Variants in MFHAS1 observed in about 807,000 individuals in gnomAD.
The protein encoded by MFHAS1 is malignant fibrous histiocytoma-amplified sequence 1.
MFHAS1 carries 50 observed loss-of-function variants against 70.4 expected under a neutral mutation model. That is an observed-to-expected ratio of 0.71 (90% CI 0.57 to 0.90). MFHAS1 has a LOEUF of 0.90. Among genes scored for constraint, MFHAS1 ranks in the 40% least tolerant of loss-of-function variants. MFHAS1 has a pLI of 0.00. For synonymous variants in MFHAS1, 952 were observed against 620.0 expected (o/e 1.54, Z -7.96); for missense variants, 1,795 against 1,347.6 (o/e 1.33, Z -5.20).
intron 1 of MFHAS1, among the ~76,000 whole-genome samples, chr8:8,834,117 C>T (rs1323485067): frequency 8.8e-6 from 1 of 114,274 alleles, no homozygotes; most frequent in Non-Finnish European, 1.9e-5. Context: ...CCGAGTGAGA[C>T]TCTGTCAAAA....
Position 8,892,758 on chromosome 8 carries a change from G to C in MFHAS1, c.301C>G (p.Arg101Gly). Residue 101 changes from arginine (R) to glycine (G), a missense_variant, in exon 1 of 3, where the codon CGG becomes GGG. Coordinates refer to ENST00000276282, the MANE Select transcript of MFHAS1 (RefSeq NM_004225.3). This position sits in a 1 kb window ranked among gnomAD's most constrained non-coding sequence, Gnocchi z 4.7. Reference protein sequence around the residue: ...VLVLRRNRFARLPPAVAELGH... With the variant: ...VLVLRRNRFAGLPPAVAELGH... The stretch of plus-strand genomic sequence containing the variant: ...AGCTCGGCCACCGCCGGGGGCAGCC[G>C]GGCGAAGCGGTTCCTGCGCAGGACC... 6.3e-7 allele frequency: 1 copy of C among 1,576,710 alleles called. No homozygotes were observed. The highest frequency in any genetic ancestry group is 8.6e-7 in the Non-Finnish European group (1 of 1,163,510).
intron 1 of MFHAS1, among the ~76,000 whole-genome samples, chr8:8,884,041 AACACACACACACAC>A (rs10660555): frequency 1.3e-4 from 17 of 134,178 alleles, no homozygotes; most frequent in Middle Eastern, 7.1e-3. Context: ...CTATTTCACA[AACACACACACACAC>A]ACACACACAC....
intron 1 of MFHAS1, among the ~76,000 whole-genome samples, chr8:8,879,854 T>C (rs1171355659): frequency 6.6e-6 from 1 of 152,208 alleles, no homozygotes; most frequent in African/African-American, 2.4e-5. Flanking sequence ...ACTTATCTAA[T>C]CTGGTAATCA....
In MFHAS1 at chr8:8,892,379, C is replaced by A; in HGVS notation, c.680G>T (p.Arg227Leu). 3 of 1,612,740 alleles carry A rather than the reference C, an allele frequency of 1.9e-6. No individual in the cohort carries two copies. The highest frequency in any genetic ancestry group is 1.7e-6 in the Non-Finnish European group (2 of 1,179,958). The change falls in exon 1 of 3, where the codon CGT becomes CTT. Residue 227 changes from arginine (R) to leucine (L), a missense_variant. Coordinates refer to ENST00000276282, the MANE Select transcript of MFHAS1 (RefSeq NM_004225.3). The surrounding 1 kb of genome is among the most constrained non-coding windows in gnomAD (Gnocchi z 4.7). ...RGLPEDISAL[R>L]ALKILWLSGA... ...ACTCAGCCAGAGGATCTTGAGGGCA[C>A]GCAGGGCACTGATATCCTCAGGCAG...
chr8:8,829,860 G>A (rs755517651), intron 1 of MFHAS1, among the ~76,000 whole-genome samples: 58 of 152,218 alleles, frequency 3.8e-4, no homozygotes, highest in Non-Finnish European at 7.6e-4. Flanking sequence ...AAATGGAACA[G>A]ATTGCCTCAC....
Position 8,890,721 on chromosome 8 carries a change from G to A in MFHAS1, c.2338C>T (p.Leu780Phe). 1 of 1,613,754 alleles carries A rather than the reference G, an allele frequency of 6.2e-7. No homozygotes were observed. Reference sequence around the variant, plus strand: ...TACTGATGGAGCTGGGTGGCCCGGAGCAGTTCCTGGCTGGGGGTGGACCGC... The same window carrying A: ...TACTGATGGAGCTGGGTGGCCCGGAACAGTTCCTGGCTGGGGGTGGACCGC... ...MARSTPSQEL[L>F]RATQLHQYVE... is the part of the protein sequence containing the mutation. The change falls in exon 1 of 3, where the codon CTC becomes TTC. Residue 780 changes from leucine to phenylalanine, a missense_variant. Physicochemically the swap from Leu to Phe is conservative, Grantham distance 22. Coordinates refer to ENST00000276282, the MANE Select transcript of MFHAS1 (RefSeq NM_004225.3).
At chr8:8,806,123 C>T (rs1394458443) in intron 1 of MFHAS1, among the ~76,000 whole-genome samples, 1 of 152,188 alleles carries the variant, frequency 6.6e-6, no homozygotes, top group Non-Finnish European at 1.5e-5. Context: ...CTCCTGCTTT[C>T]TCTGTTTCTA....
rs994278400 is a variant in MFHAS1 at position 8,893,076 on chromosome 8, A to T, written c.-18T>A. ...CCAGCCATGGCGGGGCCCCGGGCCGACAGCCTCACGCGGACGCGGGAGCCC... is the reference window on the plus strand; with the variant it reads ...CCAGCCATGGCGGGGCCCCGGGCCGTCAGCCTCACGCGGACGCGGGAGCCC... On this transcript the variant is annotated 5_prime_UTR_variant, in exon 1 of 3. Coordinates refer to ENST00000276282, the MANE Select transcript of MFHAS1 (RefSeq NM_004225.3). The T allele has an allele frequency of 2.0e-6, 3 of 1,464,090 alleles. No homozygotes were observed. The African/African-American group carries it at 4.5e-5, about 22-fold the overall frequency. 90.7% of individuals were successfully genotyped at this position (1,464,090 alleles called of 1,614,324 possible).
intron 1 of MFHAS1, among the ~76,000 whole-genome samples, chr8:8,862,974 T>A (rs1206196546): frequency 6.6e-6 from 1 of 152,240 alleles, no homozygotes; most frequent in Non-Finnish European, 1.5e-5. Flanking sequence ...GACTGTATAT[T>A]TTTAGCACTT....
intron 1 of MFHAS1, among the ~76,000 whole-genome samples, chr8:8,853,274 C>T (rs1470521944): frequency 5.3e-5 from 8 of 152,004 alleles, no homozygotes; most frequent in African/African-American, 1.9e-4. Context: ...AAGCTACTCC[C>T]TCTAGTTCAA....
chr8:8,892,064 C>G lies in MFHAS1; in HGVS notation c.995G>C (p.Arg332Pro), dbSNP rs1217496999. Residue 332 changes from arginine to proline, a missense_variant, in exon 1 of 3, where the codon CGC becomes CCC. Physicochemically the swap from Arg to Pro is moderately radical, Grantham distance 103 (BLOSUM62 -2). Transcript: ENST00000276282. The surrounding 1 kb of genome is among the most constrained non-coding windows in gnomAD (Gnocchi z 4.7). The part of the protein sequence containing the change: ...LTLWLDNNRI[R>P]YLPDSIVELT... ...CTCCACGATGGAGTCCGGCAGGTAG[C>G]GGATGCGGTTATTATCCAGCCACAA... The G allele has an allele frequency of 1.2e-6, 2 of 1,613,302 alleles. No homozygotes were observed. Among genetic ancestry groups the G allele is most frequent in the South Asian group, 1.1e-5 (1 of 91,084 alleles).
chr8:8,821,763 T>G (rs534973874), intron 1 of MFHAS1: 2 of 152,374 alleles, frequency 1.3e-5, no homozygotes, highest in African/African-American at 4.8e-5. Flanking sequence ...AAACCTAGTC[T>G]AGGTGCCTAA....
At chr8:8,802,756 A>G (rs1484096952) in intron 1 of MFHAS1, among the ~76,000 whole-genome samples, 1 of 152,096 alleles carries the variant, frequency 6.6e-6, no homozygotes, top group Non-Finnish European at 1.5e-5. Flanking sequence ...ATTCCCTGGG[A>G]AGCTATCTTG....
chr8:8,829,492 C>T (rs559763451), intron 1 of MFHAS1, among the ~76,000 whole-genome samples: 16 of 152,286 alleles, frequency 1.1e-4, no homozygotes, highest in African/African-American at 3.9e-4. Context: ...ACCAGCCTGG[C>T]CAACATGGTG....
At chr8:8,854,876 G>GT (rs1016445842) in intron 1 of MFHAS1, among the ~76,000 whole-genome samples, 13 of 151,934 alleles carry the variant, frequency 8.6e-5, no homozygotes, top group Admixed American at 3.9e-4. Flanking sequence ...TGGCTATCCT[G>GT]TTTTTTTGGT....
rs745829989 is a variant in MFHAS1, at chr8:8,891,371, T to C, written c.1688A>G (p.Lys563Arg). 1 of 1,611,692 alleles carries C rather than the reference T, an allele frequency of 6.2e-7. No homozygotes were observed. Among genetic ancestry groups the C allele is most frequent in the Admixed American group, 1.7e-5 (1 of 60,020 alleles). Residue 563 changes from lysine (K) to arginine (R), a missense_variant, in exon 1 of 3, where the codon AAG becomes AGG. Coordinates refer to ENST00000276282, the MANE Select transcript of MFHAS1 (RefSeq NM_004225.3). The surrounding 1 kb of genome is among the most constrained non-coding windows in gnomAD (Gnocchi z 5.4). ...DIHRQIALQE[K>R]HDAEGLSRLA... ...GCGGCTCAGTCCCTCCGCGTCGTGC[T>C]TCTCCTGCAGGGCGATCTGGCGGTG...
chr8:8,866,041 G>T (rs1006239907), intron 1 of MFHAS1, among the ~76,000 whole-genome samples: 1 of 152,154 alleles, frequency 6.6e-6, no homozygotes, highest in East Asian at 1.9e-4. Flanking sequence ...TGAAATCCTG[G>T]TTTCCCTGGG....
chr8:8,799,261 T>C (rs73201845), intron 1 of MFHAS1, among the ~76,000 whole-genome samples: 7,794 of 152,180 alleles, frequency 0.051, 267 homozygotes, highest in Middle Eastern at 0.082. Flanking sequence ...TTTACAACAA[T>C]AAATAGGACA....
intron 1 of MFHAS1, among the ~76,000 whole-genome samples, chr8:8,884,696 G>A (rs529160279): frequency 9.2e-5 from 14 of 152,306 alleles, no homozygotes; most frequent in Non-Finnish European, 1.8e-4. Flanking sequence ...AGGGCATGGT[G>A]GCTCAAGCCT....
Sources: gnomAD v4.1 joint callset for allele counts (sites outside exome capture counted in the v4.1 genomes callset) on GRCh38, gnomAD v4.1.1 for gene constraint, Gnocchi (gnomAD v3.1) non-coding constraint, MANE v1.5 for transcripts, NCBI Gene and HGNC (gene_info 2026-07-23, HGNC 2026-07-21) for gene names.